The following KCNJ12 variants were observed in gnomAD, a reference collection of about 807,000 sequenced individuals.
KCNJ12 encodes the protein ATP-sensitive inward rectifier potassium channel 12.
A neutral mutation model predicts 22.3 loss-of-function variants in KCNJ12; 2 were observed. The ratio of observed to expected loss-of-function variants is 0.09; its 90% CI spans 0.04 to 0.28. KCNJ12 has a LOEUF of 0.28. Ranked by LOEUF, KCNJ12 falls within the 10% of genes least tolerant of loss-of-function variation. The pLI, the probability that KCNJ12 is intolerant of heterozygous loss-of-function variation, is 1.00. For missense variants in KCNJ12, 155 were observed against 633.3 expected (o/e 0.24, Z 8.11); for synonymous variants, 117 against 261.4 (o/e 0.45, Z 5.33).
In KCNJ12 at chr17:21,418,027, C is replaced by T. The variant is rs139975461; in HGVS notation, c.*1383C>T. ...ACCAGCCGTGGAACAGAATTCCTGC[C>T]GAGTCTTCCAGGGCCGCTCCTCCAC... On this transcript the variant is annotated 3_prime_UTR_variant, in exon 3 of 3. Transcript: ENST00000583088. 2.6e-3 allele frequency: 437 copies of T among 167,210 alleles called. 2 individuals are homozygous for T. Among genetic ancestry groups the T allele is most frequent in the African/African-American group, 9.8e-3 (407 of 41,522 alleles). 10.4% of individuals were successfully genotyped at this position (167,210 alleles called of 1,614,324 possible).
intron 1 of KCNJ12, among the ~76,000 whole-genome samples, chr17:21,403,025 C>T (rs1332182233): frequency 2.0e-5 from 3 of 152,308 alleles, no homozygotes; most frequent in Non-Finnish European, 4.4e-5. Flanking sequence ...TGAGCAGAAG[C>T]CAAGTACTGG....
chr17:21,385,357 G>A (rs754695605), intron 1 of KCNJ12, among the ~76,000 whole-genome samples: 2 of 152,220 alleles, frequency 1.3e-5, no homozygotes, highest in African/African-American at 4.8e-5. Context: ...CCATTCTCGT[G>A]TCTGGGCATC....
chr17:21,400,520 G>A (rs1226227930), intron 1 of KCNJ12, among the ~76,000 whole-genome samples: 17 of 152,384 alleles, frequency 1.1e-4, no homozygotes, highest in Admixed American at 4.6e-4. Flanking sequence ...GCTACACCCC[G>A]CACAGAGCCT....
chr17:21,386,337 T>C (rs1555558628), intron 1 of KCNJ12, among the ~76,000 whole-genome samples: 1 of 151,992 alleles, frequency 6.6e-6, no homozygotes, highest in Admixed American at 6.6e-5. Flanking sequence ...CTCCCTCTCC[T>C]CTCTCTCACT....
At position 21,414,019 on chromosome 17, in the gene KCNJ12, C is replaced by T. The variant is rs1906533604; in HGVS notation, c.-56-1268C>T. 2.0e-5 allele frequency among the ~76,000 whole-genome samples: 3 copies of T among 152,416 alleles called. No homozygotes were observed. The South Asian group carries it at 6.2e-4, about 32-fold the overall frequency. On this transcript the variant is annotated intron_variant, in intron 2 of 2. Coordinates refer to ENST00000583088, the MANE Select transcript of KCNJ12 (RefSeq NM_021012.5). Reference sequence around the variant, plus strand: ...GCCCATGTCTGGGTGCCAGATCTTACCCTCTTTGGCACTGCTGGTGACCAA... The same window carrying T: ...GCCCATGTCTGGGTGCCAGATCTTATCCTCTTTGGCACTGCTGGTGACCAA...
At chr17:21,411,030 G>A (rs1906310061) in intron 2 of KCNJ12, among the ~76,000 whole-genome samples, 6 of 152,308 alleles carry the variant, frequency 3.9e-5, no homozygotes, top group Non-Finnish European at 1.5e-5. Context: ...CTCCCCCTCC[G>A]AGTCCCTATG....
chr17:21,409,261 A>G (rs1657719), intron 2 of KCNJ12, among the ~76,000 whole-genome samples: 1 of 152,422 alleles, frequency 6.6e-6, no homozygotes, highest in Admixed American at 6.5e-5. Context: ...TGGAGGAGGC[A>G]GAGGAGAAGG....
At position 21,411,990 on chromosome 17, in the gene KCNJ12, C is replaced by T. The variant is rs1198531610; in HGVS notation, c.-56-3297C>T. Among the ~76,000 whole-genome samples, 6 of 152,312 alleles carry T rather than the reference C, an allele frequency of 3.9e-5. No homozygotes were observed. In the East Asian group the frequency reaches 9.6e-4, roughly 24 times the overall value. On this transcript the variant is annotated intron_variant, in intron 2 of 2. Coordinates refer to ENST00000583088, the MANE Select transcript of KCNJ12 (RefSeq NM_021012.5). ...TCACCAAGTGCCCAGTGAGGGGGCTCCCAGCACCCCTGGGGAGGGTTTCTC... is the reference window on the plus strand; with the variant it reads ...TCACCAAGTGCCCAGTGAGGGGGCTTCCAGCACCCCTGGGGAGGGTTTCTC...
intron 1 of KCNJ12, among the ~76,000 whole-genome samples, chr17:21,400,773 TAGGGCCAC>T (rs1905567376): frequency 6.6e-6 from 1 of 152,312 alleles, no homozygotes; most frequent in African/African-American, 2.4e-5. Context: ...AGAACCCATA[TAGGGCCAC>T]AGAGGAAACC....
intron 1 of KCNJ12, among the ~76,000 whole-genome samples, chr17:21,407,707 T>C (rs1906044339): frequency 6.6e-6 from 1 of 151,072 alleles, no homozygotes; most frequent in East Asian, 2.0e-4. Flanking sequence ...AATCATCTAC[T>C]TTCACACTTA....
chr17:21,408,804 C>T (rs1597577133), intron 2 of KCNJ12, among the ~76,000 whole-genome samples, 164 bp downstream of exon 2: 1 of 152,210 alleles, frequency 6.6e-6, no homozygotes, highest in Non-Finnish European at 1.5e-5. Context: ...CATGCCTCCA[C>T]CCCTCCATCC....
At chr17:21,392,091 T>C (rs1905225237) in intron 1 of KCNJ12, among the ~76,000 whole-genome samples, 1 of 152,188 alleles carries the variant, frequency 6.6e-6, no homozygotes, top group Admixed American at 6.5e-5. Flanking sequence ...GACAACTTCC[T>C]TCCCTCTCTC....
chr17:21,403,775 C>G (rs1441821539), intron 1 of KCNJ12, among the ~76,000 whole-genome samples: 2 of 152,296 alleles, frequency 1.3e-5, no homozygotes, highest in Non-Finnish European at 2.9e-5. Context: ...ATGGAAACCC[C>G]ATTGCAACCA....
At chr17:21,377,364 G>T (rs1358008334) in intron 1 of KCNJ12, among the ~76,000 whole-genome samples, 1 of 152,180 alleles carries the variant, frequency 6.6e-6, no homozygotes, top group East Asian at 1.9e-4. Flanking sequence ...TATATGAGCC[G>T]CCCCGAGAAT....
chr17:21,413,895 G>A (rs1906524294), intron 2 of KCNJ12, among the ~76,000 whole-genome samples: 1 of 152,288 alleles, frequency 6.6e-6, no homozygotes, highest in Non-Finnish European at 1.5e-5. Context: ...ACACCCCTGA[G>A]CACTGCCCAG....
intron 2 of KCNJ12, among the ~76,000 whole-genome samples, chr17:21,413,602 G>A (rs1275533199): frequency 6.6e-6 from 1 of 152,164 alleles, no homozygotes; most frequent in Non-Finnish European, 1.5e-5. Context: ...GCCCAGCCAA[G>A]GCAGGCTGCC....
intron 1 of KCNJ12, among the ~76,000 whole-genome samples, chr17:21,383,213 C>T (rs1235809124): frequency 2.0e-5 from 3 of 152,184 alleles, no homozygotes; most frequent in African/African-American, 7.2e-5. Flanking sequence ...CCCGCTTGCT[C>T]CAGCTGCAGC....
intron 1 of KCNJ12, among the ~76,000 whole-genome samples, chr17:21,406,583 A>G (rs1391478462): frequency 8.1e-4 from 123 of 152,402 alleles, no homozygotes; most frequent in African/African-American, 2.8e-3. Context: ...AAGGGCCACT[A>G]GAGACCAGGC....
At chr17:21,380,121 C>G (rs1472924984) in intron 1 of KCNJ12, among the ~76,000 whole-genome samples, 1 of 152,178 alleles carries the variant, frequency 6.6e-6, no homozygotes, top group Non-Finnish European at 1.5e-5. Context: ...GCCTTACCAC[C>G]AGGCAGGTCC....
Sources: gnomAD v4.1 joint callset for allele counts (sites outside exome capture counted in the v4.1 genomes callset) on GRCh38, gnomAD v4.1.1 for gene constraint, MANE v1.5 for transcripts, NCBI Gene and HGNC (gene_info 2026-07-23, HGNC 2026-07-21) for gene names.